The following FARS2 variants were observed in gnomAD, a reference collection of about 807,000 sequenced individuals.
The protein encoded by FARS2 is phenylalanyl-tRNA synthetase 2, mitochondrial.
In FARS2, 40 loss-of-function variants were observed where a neutral mutation model predicts 46.4. The observed-to-expected ratio is 0.86, with a 90% CI of 0.67 to 1.12. The LOEUF is 1.12. FARS2 is among the 50% of genes most tolerant of loss of function. The pLI, the probability that FARS2 is intolerant of heterozygous loss-of-function variation, is 0.00. For synonymous variants in FARS2, 234 were observed against 214.9 expected (o/e 1.09, Z -0.78); for missense variants, 513 against 567.9 (o/e 0.90, Z 0.98).
intron 6 of FARS2, among the ~76,000 whole-genome samples, chr6:5,668,915 C>T (rs903348497): frequency 4.6e-5 from 7 of 152,018 alleles, no homozygotes; most frequent in African/African-American, 1.7e-4. Flanking sequence ...AGGCTGGTCT[C>T]GAACTCCTGA....
intron 1 of FARS2, among the ~76,000 whole-genome samples, chr6:5,361,859 C>G (rs968684845): frequency 2.2e-4 from 33 of 152,266 alleles, no homozygotes; most frequent in African/African-American, 7.0e-4. Context: ...CAGTCCAGTA[C>G]AGTTTGTGTA....
intron 4 of FARS2, among the ~76,000 whole-genome samples, chr6:5,488,486 G>A (rs1204304025): frequency 6.6e-6 from 1 of 151,988 alleles, no homozygotes; most frequent in Non-Finnish European, 1.5e-5. Context: ...ACTAATATTT[G>A]GCCATATATG....
At chr6:5,255,009 T>C in the FARS2 span, among the ~76,000 whole-genome samples, 3 of 152,166 alleles carry the variant, frequency 2.0e-5, no homozygotes, top group Non-Finnish European at 4.4e-5. Context: ...GCTCTGGTAA[T>C]GGTACCAGAG....
chr6:5,686,210 T>C (rs62408067), intron 6 of FARS2, among the ~76,000 whole-genome samples: 74,008 of 151,496 alleles, frequency 0.49, 18,360 homozygotes, highest in African/African-American at 0.53. Flanking sequence ...CTTTTTTTAA[T>C]TATTATTATA....
intron 6 of FARS2, among the ~76,000 whole-genome samples, chr6:5,724,364 G>C (rs2150925595): frequency 6.6e-6 from 1 of 152,322 alleles, no homozygotes; most frequent in African/African-American, 2.4e-5. Flanking sequence ...TCCGTTGCTG[G>C]AGCCATCCCT....
chr6:5,310,378 G>T (rs1289477153), intron 1 of FARS2, among the ~76,000 whole-genome samples: 2 of 151,442 alleles, frequency 1.3e-5, no homozygotes, highest in Non-Finnish European at 2.9e-5. Flanking sequence ...ATAATTGTTA[G>T]ATTTCCTTAT....
intron 6 of FARS2, among the ~76,000 whole-genome samples, chr6:5,623,997 T>C (rs990607000): frequency 6.6e-6 from 1 of 152,196 alleles, no homozygotes; most frequent in Non-Finnish European, 1.5e-5. Context: ...TCAGAAGTTG[T>C]GTCTCCTTGA....
intron 5 of FARS2, among the ~76,000 whole-genome samples, chr6:5,586,705 T>C (rs1208049307): frequency 6.6e-6 from 1 of 152,154 alleles, no homozygotes; most frequent in Non-Finnish European, 1.5e-5. Flanking sequence ...AATGAGATAA[T>C]GCTTGTCTCA....
At chr6:5,364,692 A>G (rs529591786) in intron 1 of FARS2, among the ~76,000 whole-genome samples, 27 of 152,328 alleles carry the variant, frequency 1.8e-4, no homozygotes, top group Non-Finnish European at 3.7e-4. Flanking sequence ...GGCAAATGAT[A>G]AATCAAGAAA....
At chr6:5,578,837 A>AC in intron 5 of FARS2, among the ~76,000 whole-genome samples, 1 of 150,946 alleles carries the variant, frequency 6.6e-6, no homozygotes, top group East Asian at 2.0e-4. Flanking sequence ...AAAAAAACAA[A>AC]AAAAAAAGAA....
chr6:5,437,964 C>T (rs1044417198), intron 4 of FARS2, among the ~76,000 whole-genome samples: 4 of 151,956 alleles, frequency 2.6e-5, no homozygotes, highest in South Asian at 4.1e-4. Context: ...AATTTCTTAG[C>T]GTTATTTTAT....
intron 1 of FARS2, among the ~76,000 whole-genome samples, chr6:5,301,197 A>G (rs1009141768): frequency 6.3e-4 from 96 of 152,122 alleles, no homozygotes; most frequent in Non-Finnish European, 1.5e-4. Context: ...TTAGTTACCT[A>G]TGTCACTAAG....
Position 5,474,100 on chromosome 6 carries a change from A to C in FARS2, c.904+42928A>C, listed in dbSNP as rs115654611. Among the ~76,000 whole-genome samples, 462 of 152,282 alleles carry C rather than the reference A, an allele frequency of 3.0e-3. 2 individuals carry two copies. Among genetic ancestry groups the C allele is most frequent in the African/African-American group, 0.011 (442 of 41,560 alleles). On this transcript the variant is annotated intron_variant, in intron 4 of 6. Coordinates refer to ENST00000274680, the MANE Select transcript of FARS2 (RefSeq NM_006567.5). ...AACACATCATTCATGAATGTCCTTC[A>C]TACCCATCAAACTAAAGGACTGCAT...
chr6:5,515,306 A>C (rs1245159265), intron 4 of FARS2, among the ~76,000 whole-genome samples: 1 of 152,254 alleles, frequency 6.6e-6, no homozygotes, highest in African/African-American at 2.4e-5. Flanking sequence ...TATGATTACC[A>C]TGTGGAACGA....
In FARS2 at chr6:5,373,861, C is replaced by T. The variant is rs145026133; in HGVS notation, c.612+4679C>T. On this transcript the variant is annotated intron_variant, in intron 2 of 6. Transcript: ENST00000274680. ...AATAAAAGGGGATGAAAACGATACC[C>T]GTAGATTAAAAGAAAGATCTATCAG... 7.3e-5 allele frequency among the ~76,000 whole-genome samples: 11 copies of T among 151,692 alleles called. No individual in the cohort carries two copies. In the East Asian group the frequency reaches 1.2e-3, roughly 16 times the overall value.
At chr6:5,334,155 G>A (rs568494823) in intron 1 of FARS2, among the ~76,000 whole-genome samples, 87 of 152,068 alleles carry the variant, frequency 5.7e-4, no homozygotes, top group Non-Finnish European at 9.6e-4. Flanking sequence ...AAGTCCTCTC[G>A]CATTATCACT....
intron 6 of FARS2, among the ~76,000 whole-genome samples, chr6:5,674,193 TA>T (rs71540878): frequency 0.03 from 2,325 of 76,336 alleles, 48 homozygotes; most frequent in African/African-American, 0.084. Context: ...GCATTCTCAT[TA>T]AAAAAAAAAA....
At chr6:5,282,808 CTACAT>C (rs1766832054) in intron 1 of FARS2, among the ~76,000 whole-genome samples, 1 of 152,270 alleles carries the variant, frequency 6.6e-6, no homozygotes, top group East Asian at 1.9e-4. Context: ...CTGAGGGTCT[CTACAT>C]TATGTCCATT....
Position 5,727,376 on chromosome 6 carries a change from C to T in FARS2, c.1218-43915C>T. ...ACAGCGCCTGCTACTTTCTCTGAGG[C>T]AGTGGTGTCACTTATACTTGTTACA... is the stretch of plus-strand genomic sequence containing the variant. On this transcript the variant is annotated intron_variant, in intron 6 of 6. Coordinates refer to ENST00000274680, the MANE Select transcript of FARS2 (RefSeq NM_006567.5). This position sits in a 1 kb window ranked among gnomAD's most constrained non-coding sequence, Gnocchi z 4.1. Among the ~76,000 whole-genome samples the T allele has an allele frequency of 6.6e-6, 1 of 152,228 alleles. No individual in the cohort carries two copies. Among genetic ancestry groups the T allele is most frequent in the Non-Finnish European group, 1.5e-5 (1 of 68,036 alleles).
Sources: gnomAD v4.1 joint callset for allele counts (sites outside exome capture counted in the v4.1 genomes callset) on GRCh38, gnomAD v4.1.1 for gene constraint, Gnocchi (gnomAD v3.1) non-coding constraint, MANE v1.5 for transcripts, NCBI Gene and HGNC (gene_info 2026-07-23, HGNC 2026-07-21) for gene names.